SLC25A26: variants seen among roughly 807,000 people sequenced by gnomAD.
SLC25A26 encodes the protein mitochondrial S-adenosylmethionine carrier protein.
SLC25A26 carries 36 observed loss-of-function variants against 37.8 expected under a neutral mutation model. The ratio of observed to expected loss-of-function variants is 0.95; its 90% CI spans 0.73 to 1.26. The LOEUF is 1.26. Among genes scored for constraint, SLC25A26 ranks in the 50% most tolerant of loss-of-function variants. The pLI is 0.00. For synonymous variants in SLC25A26, 129 were observed against 122.5 expected (o/e 1.05, Z -0.35); for missense variants, 390 against 331.1 (o/e 1.18, Z -1.38).
intron 5 of SLC25A26, chr3:66,304,346 A>G (rs2075157386): frequency 4.6e-6 from 2 of 437,528 alleles, no homozygotes; most frequent in Non-Finnish European, 9.1e-6. Flanking sequence ...ATTCTGGAGC[A>G]TACTTTTTCT....
chr3:66,288,903 C>T (rs2074607475), intron 5 of SLC25A26, among the ~76,000 whole-genome samples: 2 of 152,302 alleles, frequency 1.3e-5, no homozygotes, highest in East Asian at 3.9e-4. Flanking sequence ...AATTGCCACA[C>T]TGTCTTCCAC....
intron 3 of SLC25A26, among the ~76,000 whole-genome samples, chr3:66,260,532 T>C (rs1559627341): frequency 6.6e-6 from 1 of 152,248 alleles, no homozygotes; most frequent in Non-Finnish European, 1.5e-5. Context: ...ATACCCTTTG[T>C]TGTAATGCAT....
At chr3:66,274,548 T>G (rs1166460952) in intron 5 of SLC25A26, among the ~76,000 whole-genome samples, 2 of 151,912 alleles carry the variant, frequency 1.3e-5, no homozygotes, top group African/African-American at 4.8e-5. Flanking sequence ...TCAAACAAAT[T>G]TACAAGAAAA....
At position 66,287,169 on chromosome 3, in the gene SLC25A26, G is replaced by A. The variant is rs551611328; in HGVS notation, c.453+23790G>A. Among the ~76,000 whole-genome samples, 33 of 152,024 alleles carry A rather than the reference G, an allele frequency of 2.2e-4. No homozygotes were observed. The East Asian group carries it at 2.7e-3, about 13-fold the overall frequency. ...AAATTAGCCAGGCGTGGTGGCAGGC[G>A]CCTGTAGTCCCAGCTACTCAGGAGG... On this transcript the variant is annotated intron_variant, in intron 5 of 9. Coordinates refer to ENST00000354883, the MANE Select transcript of SLC25A26 (RefSeq NM_001379210.1).
At chr3:66,151,493 A>G (rs2070207941) in intron 1 of SLC25A26, among the ~76,000 whole-genome samples, 1 of 152,196 alleles carries the variant, frequency 6.6e-6, no homozygotes, top group Non-Finnish European at 1.5e-5. Flanking sequence ...GGAAAAAAAT[A>G]ACTCTAACTT....
chr3:66,332,904 A>G (rs982265920), intron 5 of SLC25A26, among the ~76,000 whole-genome samples: 5 of 152,026 alleles, frequency 3.3e-5, no homozygotes, highest in Non-Finnish European at 7.4e-5. Flanking sequence ...TCTATATGAC[A>G]TATGTGGGTG....
At chr3:66,187,871 ACT>A (rs1186300721) in intron 1 of SLC25A26, among the ~76,000 whole-genome samples, 2,237 of 151,736 alleles carry the variant, frequency 0.015, 57 homozygotes, top group African/African-American at 0.051. Flanking sequence ...GAATGAAAAG[ACT>A]CTGAAGCTGA....
At chr3:66,205,776 A>G (rs1015605693) in intron 1 of SLC25A26, among the ~76,000 whole-genome samples, 1 of 152,192 alleles carries the variant, frequency 6.6e-6, no homozygotes, top group Non-Finnish European at 1.5e-5. Context: ...CCATGGGCCA[A>G]CATTCAAGCT....
chr3:66,272,032 T>C (rs1268902042), intron 5 of SLC25A26, among the ~76,000 whole-genome samples: 1 of 152,204 alleles, frequency 6.6e-6, no homozygotes, highest in East Asian at 1.9e-4. Flanking sequence ...TGAGAATACT[T>C]CTTATATTGA....
chr3:66,208,748 A>G (rs1055660890), intron 1 of SLC25A26, among the ~76,000 whole-genome samples: 1 of 144,094 alleles, frequency 6.9e-6, no homozygotes, highest in Non-Finnish European at 1.5e-5. Flanking sequence ...ATATGGGTGT[A>G]TATATATATT....
chr3:66,249,887 T>C (rs1298187773), intron 3 of SLC25A26, among the ~76,000 whole-genome samples: 1 of 152,224 alleles, frequency 6.6e-6, no homozygotes, highest in African/African-American at 2.4e-5. Context: ...GAAACAGAAC[T>C]GTCAGATACC....
At chr3:66,236,180 G>A (rs956995694) in intron 1 of SLC25A26, among the ~76,000 whole-genome samples, 2 of 143,172 alleles carry the variant, frequency 1.4e-5, no homozygotes, top group Non-Finnish European at 3.0e-5. Context: ...CCATACTGCT[G>A]GGAGGCATGA....
intron 5 of SLC25A26, 83 bp from the exon 6 acceptor site, chr3:66,346,281 A>T (rs2076320349): frequency 3.2e-6 from 2 of 623,340 alleles, no homozygotes; most frequent in Non-Finnish European, 5.5e-6. Flanking sequence ...AAGTTGAAAT[A>T]ATATTTACAG....
chr3:66,151,745 G>T (rs936428138), intron 1 of SLC25A26, among the ~76,000 whole-genome samples: 4 of 152,128 alleles, frequency 2.6e-5, no homozygotes, highest in Admixed American at 1.3e-4. Context: ...AACTGTGCCT[G>T]ACCACCCTGA....
chr3:66,225,605 G>C (rs955312331), intron 1 of SLC25A26, among the ~76,000 whole-genome samples: 5 of 152,142 alleles, frequency 3.3e-5, no homozygotes, highest in Non-Finnish European at 5.9e-5. Flanking sequence ...TTTGACTCCT[G>C]GTTATTTATG....
chr3:66,313,457 TTATTC>T (rs1160622986), intron 5 of SLC25A26, among the ~76,000 whole-genome samples: 5 of 152,134 alleles, frequency 3.3e-5, no homozygotes, highest in African/African-American at 1.2e-4. Context: ...TCTGAGTTCT[TTATTC>T]TATTCCATTG....
At chr3:66,238,429 C>G (rs1267067684) in intron 2 of SLC25A26, among the ~76,000 whole-genome samples, 1 of 152,062 alleles carries the variant, frequency 6.6e-6, no homozygotes, top group Admixed American at 6.6e-5. Flanking sequence ...ACCCCCCAGG[C>G]TGGAGTGCAG....
chr3:66,303,762 C>T lies in SLC25A26; in HGVS notation c.453+40383C>T, dbSNP rs1055147304. Among the ~76,000 whole-genome samples the T allele has an allele frequency of 5.8e-4, 88 of 152,124 alleles. 1 individual carries two copies. Among genetic ancestry groups the T allele is most frequent in the Admixed American group, 1.4e-3 (21 of 15,270 alleles). On this transcript the variant is annotated intron_variant, in intron 5 of 9. Coordinates refer to ENST00000354883, the MANE Select transcript of SLC25A26 (RefSeq NM_001379210.1). Reference sequence around the variant, plus strand: ...CTCTACAGCAGCAGTCTGAGGACCGCGTGGCTGAGTTCTCCATTCACTGTT... The same window carrying T: ...CTCTACAGCAGCAGTCTGAGGACCGTGTGGCTGAGTTCTCCATTCACTGTT...
intron 5 of SLC25A26, among the ~76,000 whole-genome samples, chr3:66,293,857 A>G (rs149668969): frequency 6.6e-6 from 1 of 152,192 alleles, no homozygotes; most frequent in Non-Finnish European, 1.5e-5. Context: ...ATACGTGTGC[A>G]TGTGTCTTTA....
Sources: gnomAD v4.1 joint callset for allele counts (sites outside exome capture counted in the v4.1 genomes callset) on GRCh38, gnomAD v4.1.1 for gene constraint, MANE v1.5 for transcripts, NCBI Gene and HGNC (gene_info 2026-07-23, HGNC 2026-07-21) for gene names.